PHLPP1: variants seen among roughly 807,000 people sequenced by gnomAD.
The protein encoded by PHLPP1 is PH domain leucine-rich repeat-containing protein phosphatase 1.
Under a neutral mutation model 117.2 loss-of-function variants are expected in PHLPP1, and 42 were observed. That is an observed-to-expected ratio of 0.36 (90% CI 0.28 to 0.46). The LOEUF (loss-of-function observed/expected upper bound fraction) is 0.46, where lower values mean the gene tolerates loss of function less well. Ranked by LOEUF, PHLPP1 falls within the 20% of genes least tolerant of loss-of-function variation. PHLPP1 has a pLI of 1.00. For missense variants in PHLPP1, 2,084 were observed against 2,241.9 expected, an observed-to-expected ratio of 0.93 and a Z score of 1.42; for synonymous variants, 1,042 against 970.7, an observed-to-expected ratio of 1.07 and a Z score of -1.37.
intron 2 of PHLPP1, chr18:62,838,482 A>AC: frequency 4.5e-6 from 1 of 223,524 alleles, no homozygotes. Context: ...GGAAGTAAGA[A>AC]CCCCAGCACC....
chr18:62,892,840 C>G (rs1421057260), intron 4 of PHLPP1, among the ~76,000 whole-genome samples: 1 of 148,002 alleles, frequency 6.8e-6, no homozygotes, highest in African/African-American at 2.5e-5. Flanking sequence ...CGCACCACTG[C>G]ACTCCAGCCT....
chr18:62,976,219 C>T (rs550422945), intron 16 of PHLPP1, among the ~76,000 whole-genome samples: 48 of 152,192 alleles, frequency 3.2e-4, no homozygotes, highest in Non-Finnish European at 5.7e-4. Flanking sequence ...ACAGCTGGGG[C>T]GGAGAGTGCA....
chr18:62,750,669 A>C (rs1202331940), intron 1 of PHLPP1, among the ~76,000 whole-genome samples: 2 of 150,324 alleles, frequency 1.3e-5, no homozygotes, highest in Non-Finnish European at 3.0e-5. Flanking sequence ...TTGTGGAAGG[A>C]AACACTGTAT....
intron 1 of PHLPP1, among the ~76,000 whole-genome samples, chr18:62,718,700 T>C (rs1332485848): frequency 6.6e-6 from 1 of 152,216 alleles, no homozygotes; most frequent in Non-Finnish European, 1.5e-5. Flanking sequence ...CTTTTCTCCT[T>C]TAATTCATGT....
At chr18:62,795,382 G>A (rs1172019197) in intron 1 of PHLPP1, among the ~76,000 whole-genome samples, 1 of 151,228 alleles carries the variant, frequency 6.6e-6, no homozygotes, top group Non-Finnish European at 1.5e-5. Flanking sequence ...GGAGGCTGAG[G>A]CAGGAGAATT....
At chr18:62,766,618 T>C (rs1314851206) in intron 1 of PHLPP1, among the ~76,000 whole-genome samples, 1 of 152,152 alleles carries the variant, frequency 6.6e-6, no homozygotes, top group Non-Finnish European at 1.5e-5. Context: ...ACTCAACTAA[T>C]AGAGCTAAGC....
intron 4 of PHLPP1, among the ~76,000 whole-genome samples, chr18:62,879,969 C>A (rs1412138557): frequency 9.2e-5 from 14 of 151,952 alleles, no homozygotes; most frequent in Admixed American, 9.2e-4. Flanking sequence ...ATGGTACTTC[C>A]TCCCCCCACC....
At chr18:62,919,688 T>C (rs574117122) in intron 9 of PHLPP1, among the ~76,000 whole-genome samples, 1 of 152,342 alleles carries the variant, frequency 6.6e-6, no homozygotes, top group South Asian at 2.1e-4. Flanking sequence ...CTTGTGACCC[T>C]AACAAGATTA....
At chr18:62,743,638 A>G (rs1225607993) in intron 1 of PHLPP1, among the ~76,000 whole-genome samples, 1 of 152,190 alleles carries the variant, frequency 6.6e-6, no homozygotes, top group Non-Finnish European at 1.5e-5. Context: ...TCAAATTTCC[A>G]TTAATCTTAC....
At chr18:62,717,472 G>C (rs1421954552) in intron 1 of PHLPP1, among the ~76,000 whole-genome samples, 1 of 152,108 alleles carries the variant, frequency 6.6e-6, no homozygotes, top group Non-Finnish European at 1.5e-5. Context: ...GGGCTCAGAG[G>C]TTGGAAAGCA....
At chr18:62,927,159 A>G (rs992726871) in intron 10 of PHLPP1, among the ~76,000 whole-genome samples, 1 of 152,222 alleles carries the variant, frequency 6.6e-6, no homozygotes, top group Non-Finnish European at 1.5e-5. Context: ...GTGAACCAGA[A>G]CATCAGAGGA....
At chr18:62,882,831 T>C (rs1916200482) in intron 4 of PHLPP1, among the ~76,000 whole-genome samples, 1 of 151,934 alleles carries the variant, frequency 6.6e-6, no homozygotes, top group African/African-American at 2.4e-5. Context: ...AGCATTAAGC[T>C]TTCTCTTTTT....
chr18:62,973,510 A>G (rs1344946982), intron 15 of PHLPP1, among the ~76,000 whole-genome samples: 1 of 152,170 alleles, frequency 6.6e-6, no homozygotes, highest in Non-Finnish European at 1.5e-5. Context: ...ATGGTGTTTT[A>G]TCCTTATCTG....
intron 5 of PHLPP1, 146 bp downstream of exon 5, chr18:62,895,303 G>C: frequency 4.1e-6 from 3 of 727,864 alleles, no homozygotes; most frequent in Non-Finnish European, 6.6e-6. Flanking sequence ...TATGTAGTCC[G>C]TATGGAGTTC....
In PHLPP1 at chr18:62,715,902, G is replaced by A. The variant is rs1910708812; in HGVS notation, c.219G>A (p.Glu73=). 4.4e-6 allele frequency: 4 copies of A among 907,174 alleles called. No homozygotes were observed. The Admixed American group carries it at 1.8e-4, about 41-fold the overall frequency. The allele number at this position is 907,174 out of a possible 1,614,324, so 56.2% of individuals were successfully genotyped here. A position where few individuals can be genotyped will look rare whatever the true frequency, so the allele number is the denominator to read the frequency against. The change falls in exon 1 of 17, where the codon GAG becomes GAA. Residue 73 remains glutamate, a synonymous_variant. Transcript: ENST00000262719. The stretch of plus-strand genomic sequence containing the variant: ...GCAGCGGCAGCGGGGCGCGGGAAGA[G>A]GCCCCAGGCGAGGCGCCGCCGGGGC... ...GNGSGSGARE[E]APGEAPPGPL...
intron 1 of PHLPP1, among the ~76,000 whole-genome samples, chr18:62,814,532 A>G (rs1292279769): frequency 2.0e-5 from 3 of 152,216 alleles, no homozygotes; most frequent in African/African-American, 7.2e-5. Flanking sequence ...TTTATATGCA[A>G]TAAGAAACAT....
At chr18:62,952,958 T>C (rs186892922) in intron 12 of PHLPP1, among the ~76,000 whole-genome samples, 2 of 152,326 alleles carry the variant, frequency 1.3e-5, no homozygotes, top group African/African-American at 2.4e-5. Flanking sequence ...AGTACTACAC[T>C]GTGACTCTCA....
intron 1 of PHLPP1, among the ~76,000 whole-genome samples, chr18:62,812,306 A>G (rs1914148534): frequency 6.6e-6 from 1 of 152,148 alleles, no homozygotes; most frequent in Admixed American, 6.5e-5. Context: ...CTCAGAAGAA[A>G]CACCACAGCA....
In PHLPP1 at chr18:62,979,690, A is replaced by G. The variant is rs1911320253; in HGVS notation, c.*259A>G. ...CTAACATATCAGATATGTAAAGACAAAGAACAAAAGGTTTAATATATTACA... is the reference window on the plus strand; with the variant it reads ...CTAACATATCAGATATGTAAAGACAGAGAACAAAAGGTTTAATATATTACA... On this transcript the variant is annotated 3_prime_UTR_variant, in exon 17 of 17. Coordinates refer to ENST00000262719, the MANE Select transcript of PHLPP1 (RefSeq NM_194449.4). 2 of 492,060 alleles carry G rather than the reference A, an allele frequency of 4.1e-6. No individual in the cohort carries two copies. The highest frequency in any genetic ancestry group is 6.0e-5 in the South Asian group (2 of 33,094). The allele number at this position is 492,060 out of a possible 1,614,324, so 30.5% of individuals were successfully genotyped here. A position where few individuals can be genotyped will look rare whatever the true frequency, so the allele number is the denominator to read the frequency against.
Sources: gnomAD v4.1 joint callset for allele counts (sites outside exome capture counted in the v4.1 genomes callset) on GRCh38, gnomAD v4.1.1 for gene constraint, MANE v1.5 for transcripts, NCBI Gene and HGNC (gene_info 2026-07-23, HGNC 2026-07-21) for gene names.